EXTL3: variants seen among roughly 807,000 people sequenced by gnomAD.
The protein encoded by EXTL3 is exostosin-like 3.
Under a neutral mutation model 69.3 loss-of-function variants are expected in EXTL3, and 27 were observed. That is an observed-to-expected ratio of 0.39 (90% CI 0.29 to 0.54). The LOEUF (loss-of-function observed/expected upper bound fraction) is 0.54, where lower values mean the gene tolerates loss of function less well. EXTL3 is among the 20% of genes least tolerant of loss of function. The pLI, the probability that EXTL3 is intolerant of heterozygous loss-of-function variation, is 0.69. For synonymous variants in EXTL3, 511 were observed against 499.4 expected (o/e 1.02, Z -0.31); for missense variants, 1,003 against 1,231.8 (o/e 0.81, Z 2.78).
chr8:28,723,640 G>GTTT (rs34831917), intron 3 of EXTL3, among the ~76,000 whole-genome samples: 4,697 of 120,848 alleles, frequency 0.039, 220 homozygotes, highest in Non-Finnish European at 0.062. Flanking sequence ...GCTCAGGACT[G>GTTT]TTTTTTTTTT....
rs115071612 is a variant in EXTL3 at position 28,637,898 on chromosome 8, G to A, written c.-53+15088G>A. Among the ~76,000 whole-genome samples, 1,479 of 152,186 alleles carry A rather than the reference G, an allele frequency of 9.7e-3. 21 individuals carry two copies. The highest frequency in any genetic ancestry group is 0.033 in the African/African-American group (1,378 of 41,514). The stretch of plus-strand genomic sequence containing the variant: ...CTTCACTCTGGCTTCTATTCCCCTG[G>A]CTGCAATGAAACTATCCTTGCAAAA... On this transcript the variant is annotated intron_variant, in intron 1 of 6. Coordinates refer to the EXTL3 transcript ENST00000523149.
At chr8:28,690,099 A>G (rs954046231) in intron 1 of EXTL3, among the ~76,000 whole-genome samples, 12 of 152,212 alleles carry the variant, frequency 7.9e-5, no homozygotes, top group African/African-American at 2.4e-4. Context: ...TTTATTATCT[A>G]TTGGTCAATA....
chr8:28,735,125 T>A lies in EXTL3; in HGVS notation c.2277-2394T>A, dbSNP rs796293412. ...TTTTTACACGATAATAGTAGCTGAC[T>A]CTCTCCACTTGTTTTTATGAAAGGA... On this transcript the variant is annotated intron_variant, in intron 4 of 6. Coordinates refer to ENST00000220562, the MANE Select transcript of EXTL3 (RefSeq NM_001440.4). Among the ~76,000 whole-genome samples the A allele has an allele frequency of 3.3e-5, 5 of 151,940 alleles. No individual in the cohort carries two copies. The East Asian group carries it at 7.7e-4, about 23-fold the overall frequency.
intron 1 of EXTL3, among the ~76,000 whole-genome samples, chr8:28,663,442 TG>T (rs1287903475): frequency 3.9e-5 from 6 of 152,112 alleles, no homozygotes; most frequent in African/African-American, 1.4e-4. Context: ...TACCTCCATT[TG>T]AAGACCATTA....
intron 6 of EXTL3, among the ~76,000 whole-genome samples, chr8:28,747,763 C>T (rs1311170030): frequency 7.3e-6 from 1 of 137,050 alleles, no homozygotes. Flanking sequence ...GAGCCTCGCT[C>T]TGTCACCCAG....
chr8:28,681,117 G>T (rs749642877), intron 1 of EXTL3, among the ~76,000 whole-genome samples: 7 of 151,674 alleles, frequency 4.6e-5, no homozygotes, highest in Non-Finnish European at 8.8e-5. Context: ...CTTGTGATCC[G>T]CCCACCTCGG....
intron 1 of EXTL3, among the ~76,000 whole-genome samples, chr8:28,671,157 T>G (rs1478603367): frequency 1.1e-4 from 16 of 151,972 alleles, no homozygotes; most frequent in Admixed American, 1.1e-3. Flanking sequence ...ATTTTTTGTA[T>G]TTTTAGTAGA....
At chr8:28,662,220 T>A (rs934174304) in intron 1 of EXTL3, among the ~76,000 whole-genome samples, 2 of 151,118 alleles carry the variant, frequency 1.3e-5, no homozygotes, top group Non-Finnish European at 3.0e-5. Flanking sequence ...TGTTATATCA[T>A]TTTTTTTTCT....
intron 1 of EXTL3, among the ~76,000 whole-genome samples, chr8:28,649,493 T>C (rs904201724): frequency 6.6e-6 from 1 of 152,224 alleles, no homozygotes; most frequent in African/African-American, 2.4e-5. Context: ...GAGCATCTTA[T>C]GTTTATTGGC....
chr8:28,722,829 T>C (rs1301526208), intron 3 of EXTL3, among the ~76,000 whole-genome samples: 1 of 151,780 alleles, frequency 6.6e-6, no homozygotes, highest in African/African-American at 2.4e-5. Flanking sequence ...TTCAATGCCC[T>C]TTTCCCTCTG....
chr8:28,716,233 T>A lies in EXTL3; in HGVS notation c.174T>A (p.Asp58Glu). ...HYYLTTLDEA[D>E]EAGKRIFGPR... ...ACCTCACCACTCTGGATGAGGCTGA[T>A]GAGGCAGGCAAGCGGATTTTTGGTC... The change falls in exon 3 of 7, where the codon GAT becomes GAA. Residue 58 changes from aspartate to glutamate, a missense_variant. Physicochemically the swap from Asp to Glu is conservative, Grantham distance 45. Coordinates refer to ENST00000220562, the MANE Select transcript of EXTL3 (RefSeq NM_001440.4). The surrounding 1 kb of genome is among the most constrained non-coding windows in gnomAD (Gnocchi z 7.1). 1.9e-6 allele frequency: 3 copies of A among 1,614,198 alleles called. No individual in the cohort carries two copies. Among genetic ancestry groups the A allele is most frequent in the Non-Finnish European group, 2.5e-6 (3 of 1,180,020 alleles).
upstream of EXTL3, among the ~76,000 whole-genome samples, chr8:28,620,712 T>C (rs535805802): frequency 6.6e-6 from 1 of 152,230 alleles, no homozygotes; most frequent in Non-Finnish European, 1.5e-5. Context: ...GCTTTTCTTT[T>C]GTTTTCTTTT....
chr8:28,680,119 C>G (rs577535231), intron 1 of EXTL3, among the ~76,000 whole-genome samples: 1 of 151,390 alleles, frequency 6.6e-6, no homozygotes, highest in Non-Finnish European at 1.5e-5. Flanking sequence ...CAGCCGGGCT[C>G]GGTGGCTTAT....
At position 28,752,196 on chromosome 8, in the gene EXTL3, C is replaced by CT. The variant is rs1802022661; in HGVS notation, c.*1331dup. ...AACCCGAGTTACCACTTTCCACTCC[C>CT]TGCTTAGGATTCTGTTCCCTGGGCT... On this transcript the variant is annotated 3_prime_UTR_variant, in exon 7 of 7. Coordinates refer to ENST00000220562, the MANE Select transcript of EXTL3 (RefSeq NM_001440.4). 1 of 152,190 alleles carries CT rather than the reference C, an allele frequency of 6.6e-6. No individual in the cohort carries two copies. The highest frequency in any genetic ancestry group is 2.1e-4 in the South Asian group (1 of 4,830). The allele number at this position is 152,190 out of a possible 1,614,324, so 9.4% of individuals were successfully genotyped here. A position where few individuals can be genotyped will look rare whatever the true frequency, so the allele number is the denominator to read the frequency against.
At chr8:28,669,928 G>T (rs1218668409) in intron 1 of EXTL3, among the ~76,000 whole-genome samples, 1 of 152,084 alleles carries the variant, frequency 6.6e-6, no homozygotes, top group Non-Finnish European at 1.5e-5. Flanking sequence ...GGACTTTGAG[G>T]CCGGGTGCAG....
At position 28,614,381 on chromosome 8, in the gene EXTL3, C is replaced by T. The variant is rs189625657; in HGVS notation, n.314+6623C>T. ...CACTGCCTCCCAGGTTCAAACAATT[C>T]TCTTTCTTCAGCCTCCTGAGTAGCT... is the stretch of plus-strand genomic sequence containing the variant. On this transcript the variant is annotated intron_variant and non_coding_transcript_variant, in intron 2 of 4. Coordinates refer to the EXTL3 transcript ENST00000522725. 1.1e-4 allele frequency among the ~76,000 whole-genome samples: 16 copies of T among 144,968 alleles called. No individual in the cohort carries two copies. The East Asian group carries it at 3.1e-3, about 28-fold the overall frequency.
At chr8:28,627,958 G>T (rs58864667) in intron 1 of EXTL3, among the ~76,000 whole-genome samples, 16,447 of 152,110 alleles carry the variant, frequency 0.11, 2,601 homozygotes, top group African/African-American at 0.35. Flanking sequence ...CATGTTTAAT[G>T]GGTACAGAGT....
intron 1 of EXTL3, among the ~76,000 whole-genome samples, chr8:28,643,426 C>CTTTTTTTTTTTTTTTTT (rs138680672): frequency 6.9e-6 from 1 of 143,978 alleles, no homozygotes; most frequent in Non-Finnish European, 1.5e-5. Context: ...TTCTTTTTTT[C>CTTTTTTTTTTTTTTTTT]TTTTTTGAGA....
At chr8:28,627,372 G>T (rs1424218946) in intron 1 of EXTL3, among the ~76,000 whole-genome samples, 2 of 151,514 alleles carry the variant, frequency 1.3e-5, no homozygotes, top group African/African-American at 4.9e-5. Context: ...TGCATCTGTT[G>T]CCCAAACTAC....
Sources: allele counts gnomAD v4.1 joint callset (sites outside exome capture counted in the v4.1 genomes callset), GRCh38; gene constraint gnomAD v4.1.1; non-coding constraint Gnocchi (gnomAD v3.1); transcripts MANE v1.5; gene names NCBI Gene and HGNC (gene_info 2026-07-23, HGNC 2026-07-21).